The following RALYL variants were observed in gnomAD, a reference collection of about 807,000 sequenced individuals.
RALYL encodes the protein RNA-binding Raly-like protein.
Under a neutral mutation model 35.1 loss-of-function variants are expected in RALYL, and 29 were observed. The ratio of observed to expected loss-of-function variants is 0.83; its 90% CI spans 0.61 to 1.13. RALYL has a LOEUF of 1.13. Among genes scored for constraint, RALYL ranks in the 50% most tolerant of loss-of-function variants. The probability of loss-of-function intolerance (pLI) is 0.00; values close to 1 mark genes in which losing one functional copy is unlikely to be tolerated. For missense variants in RALYL, 359 were observed against 360.4 expected, an observed-to-expected ratio of 1.00 and a Z score of 0.03; for synonymous variants, 120 against 127.6, an observed-to-expected ratio of 0.94 and a Z score of 0.40.
intron 2 of RALYL, among the ~76,000 whole-genome samples, chr8:84,655,634 AT>A (rs912719591): frequency 1.3e-5 from 2 of 151,650 alleles, no homozygotes; most frequent in African/African-American, 2.4e-5. Flanking sequence ...GGATTATTAG[AT>A]TTTTTTTTCC....
At chr8:84,527,903 C>T (rs1412939907) in intron 1 of RALYL, among the ~76,000 whole-genome samples, 1 of 151,954 alleles carries the variant, frequency 6.6e-6, no homozygotes, top group Non-Finnish European at 1.5e-5. Context: ...TGTTGGCTGT[C>T]CAATATGAAG....
chr8:84,255,668 T>A lies in RALYL; in HGVS notation c.-24+71244T>A, dbSNP rs570156490. 5.3e-5 allele frequency among the ~76,000 whole-genome samples: 8 copies of A among 152,192 alleles called. No individual in the cohort carries two copies. In the South Asian group the frequency reaches 1.7e-3, roughly 32 times the overall value. ...TGTGCCCTGTTTATCTTTCTATTCATCAAACATTGCCGCAGAATAAACACT... is the reference window on the plus strand; with the variant it reads ...TGTGCCCTGTTTATCTTTCTATTCAACAAACATTGCCGCAGAATAAACACT... On this transcript the variant is annotated intron_variant, in intron 1 of 8. Transcript: ENST00000521268.
chr8:84,667,850 A>G (rs1169546682), intron 2 of RALYL, among the ~76,000 whole-genome samples: 2 of 152,072 alleles, frequency 1.3e-5, no homozygotes, highest in African/African-American at 4.8e-5. Flanking sequence ...GTGTTTAGGG[A>G]CTCAATCTGA....
intron 1 of RALYL, among the ~76,000 whole-genome samples, chr8:84,456,587 CTAAG>C (rs2050167250): frequency 6.6e-6 from 1 of 151,890 alleles, no homozygotes; most frequent in African/African-American, 2.4e-5. Flanking sequence ...CATGAATTCC[CTAAG>C]TATTTATTAA....
Position 84,293,900 on chromosome 8 carries a change from TTCA to T in RALYL, c.-24+109477_-24+109479del, listed in dbSNP as rs201330657. On this transcript the variant is annotated intron_variant, in intron 1 of 8. Coordinates refer to ENST00000521268, the MANE Select transcript of RALYL (RefSeq NM_173848.7). Reference sequence around the variant, plus strand: ...TCTCCACATTTTCTTATGTATGAAATTCAGTTTTCTATTTTTCTTCTTGCAGCA... The same window carrying T: ...TCTCCACATTTTCTTATGTATGAAATGTTTTCTATTTTTCTTCTTGCAGCA... Among the ~76,000 whole-genome samples, 1,178 of 152,186 alleles carry T rather than the reference TTCA, an allele frequency of 7.7e-3. 18 individuals are homozygous for T. The highest frequency in any genetic ancestry group is 0.027 in the African/African-American group (1,133 of 41,548).
chr8:84,444,735 G>A (rs144443353), intron 1 of RALYL, among the ~76,000 whole-genome samples: 1 of 152,182 alleles, frequency 6.6e-6, no homozygotes, highest in East Asian at 1.9e-4. Flanking sequence ...GGAATGATCA[G>A]AGAGGAAAAG....
At position 84,855,777 on chromosome 8, in the gene RALYL, G is replaced by C. The variant is rs564346160; in HGVS notation, c.413+5750G>C. ...TCTTTTTTCAATAATATTAGGAAAA[G>C]CACTGATCAGTTTATAATTTCCAGT... On this transcript the variant is annotated intron_variant, in intron 5 of 8. Transcript: ENST00000521268. 2.0e-5 allele frequency among the ~76,000 whole-genome samples: 3 copies of C among 152,278 alleles called. No individual in the cohort carries two copies. The East Asian group carries it at 5.8e-4, about 29-fold the overall frequency.
intron 4 of RALYL, among the ~76,000 whole-genome samples, chr8:84,810,754 C>G (rs923662195): frequency 2.0e-5 from 3 of 152,120 alleles, no homozygotes; most frequent in African/African-American, 7.2e-5. Context: ...CTCTTTGTCT[C>G]TTTTAACTGC....
In RALYL at chr8:84,526,314, G is replaced by C. The variant is rs912616088; in HGVS notation, c.-23-2985G>C. 2.7e-4 allele frequency among the ~76,000 whole-genome samples: 41 copies of C among 152,172 alleles called. 1 individual carries two copies. Among genetic ancestry groups the C allele is most frequent in the Admixed American group, 2.5e-3 (38 of 15,276 alleles). ...TTTGACAGACATTTGGGTTGTTTCT[G>C]GTTTAGTTGGATCATCTTAAGCCTT... On this transcript the variant is annotated intron_variant, in intron 1 of 8. Coordinates refer to ENST00000521268, the MANE Select transcript of RALYL (RefSeq NM_173848.7).
chr8:84,715,458 G>A (rs1005544032), intron 2 of RALYL, among the ~76,000 whole-genome samples: 2 of 151,698 alleles, frequency 1.3e-5, no homozygotes, highest in Non-Finnish European at 2.9e-5. Flanking sequence ...ATCTCCTAAG[G>A]AATCTAATAA....
chr8:84,577,804 A>T (rs947692016), intron 2 of RALYL, among the ~76,000 whole-genome samples: 4 of 152,242 alleles, frequency 2.6e-5, no homozygotes, highest in African/African-American at 9.6e-5. Flanking sequence ...AAAAGTTTTG[A>T]TTCATCATAT....
intron 1 of RALYL, among the ~76,000 whole-genome samples, chr8:84,253,176 G>GGTTTTT (rs1830529620): frequency 9.5e-5 from 5 of 52,824 alleles, no homozygotes; most frequent in African/African-American, 4.3e-4. Context: ...TAGTTCTGCA[G>GGTTTTT]TTTTTTTTTT....
intron 2 of RALYL, among the ~76,000 whole-genome samples, chr8:84,735,811 C>CGCGAGA (rs375557914): frequency 2.7e-5 from 3 of 111,310 alleles, no homozygotes; most frequent in East Asian, 2.5e-4. Context: ...ATCCAAACCG[C>CGCGAGA]GAGAGAGAGA....
At chr8:84,243,037 C>T (rs953827577) in intron 1 of RALYL, among the ~76,000 whole-genome samples, 2 of 152,022 alleles carry the variant, frequency 1.3e-5, no homozygotes, top group African/African-American at 2.4e-5. Flanking sequence ...GGAAGGGGTC[C>T]GGTTTCAATT....
intron 2 of RALYL, among the ~76,000 whole-genome samples, chr8:84,677,243 A>G (rs1834399741): frequency 6.6e-6 from 1 of 152,222 alleles, no homozygotes; most frequent in Admixed American, 6.5e-5. Flanking sequence ...ATAAAATAAA[A>G]TTTGATCTTG....
chr8:84,651,602 G>A (rs1828844511), intron 2 of RALYL, among the ~76,000 whole-genome samples: 3 of 151,932 alleles, frequency 2.0e-5, no homozygotes, highest in South Asian at 4.1e-4. Context: ...TCAAAAATAA[G>A]TAACAGAATA....
At chr8:84,748,742 C>A (rs980816371) in intron 2 of RALYL, among the ~76,000 whole-genome samples, 1 of 152,066 alleles carries the variant, frequency 6.6e-6, no homozygotes, top group African/African-American at 2.4e-5. Context: ...CAAATATTTA[C>A]TAATTAGATT....
chr8:84,870,483 T>G (rs748789112), intron 6 of RALYL, among the ~76,000 whole-genome samples: 8 of 151,350 alleles, frequency 5.3e-5, no homozygotes, highest in Non-Finnish European at 1.0e-4. Context: ...TTTTGACAAG[T>G]TTTTTTTGTG....
intron 1 of RALYL, among the ~76,000 whole-genome samples, chr8:84,316,438 A>G (rs1843766282): frequency 6.6e-6 from 1 of 152,142 alleles, no homozygotes; most frequent in Non-Finnish European, 1.5e-5. Context: ...TAGTACTTAC[A>G]TTAGAATGTT....
Sources: allele counts gnomAD v4.1 joint callset (sites outside exome capture counted in the v4.1 genomes callset), GRCh38; gene constraint gnomAD v4.1.1; transcripts MANE v1.5; gene names NCBI Gene and HGNC (gene_info 2026-07-23, HGNC 2026-07-21).